FOXP1: variants seen among roughly 807,000 people sequenced by gnomAD.
FOXP1 encodes the protein forkhead box protein P1.
In FOXP1, 15 loss-of-function variants were observed where a neutral mutation model predicts 98.2. The ratio of observed to expected loss-of-function variants is 0.15; its 90% CI spans 0.10 to 0.24. The LOEUF (loss-of-function observed/expected upper bound fraction) is 0.24. FOXP1 is among the 10% of genes least tolerant of loss of function. The pLI is 1.00. For synonymous variants in FOXP1, 371 were observed against 314.5 expected (o/e 1.18, Z -1.90); for missense variants, 633 against 848.5 (o/e 0.75, Z 3.15).
chr3:71,022,706 C>T lies in FOXP1; in HGVS notation c.870-7053G>A, dbSNP rs369868174. Among the ~76,000 whole-genome samples the T allele has an allele frequency of 4.6e-5, 7 of 152,270 alleles. No individual in the cohort carries two copies. The East Asian group carries it at 7.7e-4, about 17-fold the overall frequency. Reference sequence around the variant, plus strand: ...GCTCTGCTTGTAACCAGGAATCCTGCGAGTCCTTTCACTGCTCTGCCCTCC... The same window carrying T: ...GCTCTGCTTGTAACCAGGAATCCTGTGAGTCCTTTCACTGCTCTGCCCTCC... On this transcript the variant is annotated intron_variant, in intron 11 of 20. Coordinates refer to ENST00000649528, the MANE Select transcript of FOXP1 (RefSeq NM_001349338.3).
At chr3:71,146,120 C>T (rs2060296310) in intron 6 of FOXP1, among the ~76,000 whole-genome samples, 1 of 152,156 alleles carries the variant, frequency 6.6e-6, no homozygotes, top group African/African-American at 2.4e-5. Context: ...AGGATGCTGT[C>T]ATGGCACAGG....
intron 6 of FOXP1, among the ~76,000 whole-genome samples, chr3:71,143,468 A>G (rs2060165592): frequency 6.6e-6 from 1 of 152,266 alleles, no homozygotes; most frequent in East Asian, 1.9e-4. Flanking sequence ...AGAGGCCTGC[A>G]TTTGAATCCT....
At chr3:71,535,533 C>A (rs965643357) in intron 2 of FOXP1, among the ~76,000 whole-genome samples, 4 of 152,054 alleles carry the variant, frequency 2.6e-5, no homozygotes, top group Non-Finnish European at 5.9e-5. Context: ...GACAAAAACC[C>A]ATCTCTAACA....
intron 7 of FOXP1, among the ~76,000 whole-genome samples, chr3:71,082,628 A>T (rs1412207593): frequency 3.1e-5 from 1 of 32,136 alleles, no homozygotes; most frequent in Non-Finnish European, 7.9e-5. Flanking sequence ...GTATAATAAA[A>T]TAAAAAAAAA....
At chr3:71,577,453 A>G (rs76127575) in intron 2 of FOXP1, among the ~76,000 whole-genome samples, 1 of 151,896 alleles carries the variant, frequency 6.6e-6, no homozygotes, top group African/African-American at 2.4e-5. Context: ...AAAAAAAAAA[A>G]GGAAAAAAAC....
At chr3:70,996,837 T>C (rs1040657342) in intron 13 of FOXP1, among the ~76,000 whole-genome samples, 9 of 152,212 alleles carry the variant, frequency 5.9e-5, no homozygotes, top group African/African-American at 9.6e-5. Flanking sequence ...CTACCACATG[T>C]GAACACTTAC....
chr3:71,163,656 A>G (rs1219669367), intron 6 of FOXP1, among the ~76,000 whole-genome samples: 1 of 152,164 alleles, frequency 6.6e-6, no homozygotes, highest in East Asian at 1.9e-4. Flanking sequence ...ATTTCAGAAC[A>G]AGCAGGGAAA....
At chr3:71,303,285 T>C (rs1195739432) in intron 4 of FOXP1, among the ~76,000 whole-genome samples, 1 of 152,188 alleles carries the variant, frequency 6.6e-6, no homozygotes, top group East Asian at 1.9e-4. Flanking sequence ...TACCCAATAC[T>C]GGCTGAGAAC....
Position 71,215,396 on chromosome 3 carries a change from C to T in FOXP1, c.-11-17004G>A, listed in dbSNP as rs553180525. Among the ~76,000 whole-genome samples the T allele has an allele frequency of 3.3e-5, 5 of 152,282 alleles. No homozygotes were observed. The South Asian group carries it at 1.0e-3, about 32-fold the overall frequency. ...AGGTGATTGTCTAATCAAGAAGACA[C>T]AGATTAATCAATTAGACACATAAAT... On this transcript the variant is annotated intron_variant, in intron 5 of 20. Coordinates refer to ENST00000649528, the MANE Select transcript of FOXP1 (RefSeq NM_001349338.3).
intron 7 of FOXP1, among the ~76,000 whole-genome samples, chr3:71,095,302 C>T (rs971256311): frequency 1.3e-5 from 2 of 152,204 alleles, no homozygotes; most frequent in Non-Finnish European, 2.9e-5. Flanking sequence ...CTGGGCCTCA[C>T]ACGGTTGGTC....
chr3:71,091,187 G>T (rs2055798787), intron 7 of FOXP1, among the ~76,000 whole-genome samples: 1 of 147,202 alleles, frequency 6.8e-6, no homozygotes, highest in Non-Finnish European at 1.5e-5. Flanking sequence ...CTACTTTATA[G>T]AAGCTCAAAA....
chr3:71,274,593 G>T (rs1325697418), intron 5 of FOXP1, among the ~76,000 whole-genome samples: 2 of 152,226 alleles, frequency 1.3e-5, no homozygotes, highest in African/African-American at 2.4e-5. Context: ...GCTTGAGCCA[G>T]TGTGGGCTAA....
At chr3:71,366,631 T>C (rs1414081227) in intron 3 of FOXP1, among the ~76,000 whole-genome samples, 2 of 152,200 alleles carry the variant, frequency 1.3e-5, no homozygotes, top group Non-Finnish European at 2.9e-5. Flanking sequence ...GAAACAATGG[T>C]TTTGACTTTA....
intron 7 of FOXP1, among the ~76,000 whole-genome samples, chr3:71,069,597 C>A (rs1444111060): frequency 6.6e-6 from 1 of 152,106 alleles, no homozygotes; most frequent in Non-Finnish European, 1.5e-5. Flanking sequence ...TAGAGCATGT[C>A]CCAAAGTGCT....
chr3:71,525,103 T>C (rs931754178), intron 2 of FOXP1, among the ~76,000 whole-genome samples: 2 of 152,202 alleles, frequency 1.3e-5, no homozygotes, highest in East Asian at 3.8e-4. Context: ...AGGGTCCAAA[T>C]TGAAATGCCA....
chr3:71,366,230 A>G (rs1453044099), intron 3 of FOXP1, among the ~76,000 whole-genome samples: 2 of 152,158 alleles, frequency 1.3e-5, no homozygotes, highest in Non-Finnish European at 2.9e-5. Context: ...ATGTTTTATT[A>G]TAACAGTTAA....
intron 7 of FOXP1, among the ~76,000 whole-genome samples, chr3:71,062,620 A>G (rs1196533307): frequency 1.3e-5 from 2 of 152,224 alleles, no homozygotes; most frequent in East Asian, 3.9e-4. Flanking sequence ...CTTTAATAAA[A>G]TGTTTAATAA....
chr3:71,022,304 A>G (rs1446539549), intron 11 of FOXP1, among the ~76,000 whole-genome samples: 1 of 152,182 alleles, frequency 6.6e-6, no homozygotes, highest in Non-Finnish European at 1.5e-5. Context: ...CACTTTTCTT[A>G]GATTTCTTTT....
At chr3:71,140,713 T>C (rs938679374) in intron 6 of FOXP1, among the ~76,000 whole-genome samples, 7 of 152,140 alleles carry the variant, frequency 4.6e-5, no homozygotes, top group African/African-American at 1.7e-4. Context: ...TCTAAGTAGG[T>C]ATCCAAATAC....
Sources: allele counts gnomAD v4.1 joint callset (sites outside exome capture counted in the v4.1 genomes callset), GRCh38; gene constraint gnomAD v4.1.1; transcripts MANE v1.5; gene names NCBI Gene and HGNC (gene_info 2026-07-23, HGNC 2026-07-21).